LSM1: variants seen among roughly 807,000 people sequenced by gnomAD.
The protein encoded by LSM1 is U6 snRNA-associated Sm-like protein LSm1.
In LSM1, 13 loss-of-function variants were observed where a neutral mutation model predicts 18.0. That is an observed-to-expected ratio of 0.72 (90% confidence interval 0.47 to 1.15). The LOEUF is 1.15. Among genes scored for constraint, LSM1 ranks in the 50% most tolerant of loss-of-function variants. LSM1 has a pLI of 0.00. For missense variants in LSM1, 152 were observed against 157.7 expected (o/e 0.96, Z 0.19); for synonymous variants, 46 against 56.0 (o/e 0.82, Z 0.80).
At chr8:38,176,556 T>TG, upstream of LSM1, 1 of 579,390 alleles carries the variant, frequency 1.7e-6, no homozygotes, top group Non-Finnish European at 3.0e-6. Context: ...GCCGTACCGT[T>TG]GGGGGACACC....
intron 3 of LSM1, among the ~76,000 whole-genome samples, chr8:38,165,282 G>A (rs1802910168): frequency 6.6e-6 from 1 of 152,246 alleles, no homozygotes; most frequent in African/African-American, 2.4e-5. Context: ...GAACCTGGGA[G>A]GCGGAGGTTG....
chr8:38,163,584 G>A lies in LSM1; in HGVS notation c.*86C>T. 3.3e-6 allele frequency: 4 copies of A among 1,204,606 alleles called. No individual in the cohort carries two copies. Among genetic ancestry groups the A allele is most frequent in the Non-Finnish European group, 3.6e-6 (3 of 837,070 alleles). 74.6% of individuals were successfully genotyped at this position (1,204,606 alleles called of 1,614,324 possible). On this transcript the variant is annotated 3_prime_UTR_variant, in exon 4 of 4. Coordinates refer to ENST00000311351, the MANE Select transcript of LSM1 (RefSeq NM_014462.3). Reference sequence around the variant, plus strand: ...GACTTTTCAAAACTCTACAGTCTGTGATCAAATGCGTGAGGTGGCCAGGAT... The same window carrying A: ...GACTTTTCAAAACTCTACAGTCTGTAATCAAATGCGTGAGGTGGCCAGGAT...
Position 38,171,959 on chromosome 8 carries a change from A to C in LSM1, c.115+6T>G, listed in dbSNP as rs1205930394. The C allele has an allele frequency of 6.3e-7, 1 of 1,593,578 alleles. No homozygotes were observed. The highest frequency in any genetic ancestry group is 8.6e-7 in the Non-Finnish European group (1 of 1,165,304). ...GTATAAGAGATGTCCATAAATTAAT[A>C]CATACCAAATTGATCAATGCTTCTT... On this transcript the variant is annotated splice_donor_region_variant and intron_variant, in intron 2 of 3. Coordinates refer to ENST00000311351, the MANE Select transcript of LSM1 (RefSeq NM_014462.3).
intron 2 of LSM1, among the ~76,000 whole-genome samples, chr8:38,171,555 T>C (rs1257319167): frequency 6.6e-6 from 1 of 152,158 alleles, no homozygotes; most frequent in Admixed American, 6.5e-5. Flanking sequence ...TAATCTCAGC[T>C]ACTTGGGAGG....
intron 1 of LSM1, among the ~76,000 whole-genome samples, chr8:38,172,446 TTAG>T (rs1803048962): frequency 6.6e-6 from 1 of 151,910 alleles, no homozygotes; most frequent in South Asian, 2.1e-4. Context: ...ATCGGCCTCC[TTAG>T]TAGCTGGGAC....
chr8:38,170,098 G>A (rs919149575), intron 2 of LSM1, among the ~76,000 whole-genome samples, 181 bp from the exon 3 acceptor site: 2 of 152,142 alleles, frequency 1.3e-5, no homozygotes, highest in African/African-American at 4.8e-5. Flanking sequence ...CTGGACTGCA[G>A]TGGCGCCATC....
At chr8:38,172,467 G>C (rs1378986767) in intron 1 of LSM1, among the ~76,000 whole-genome samples, 1 of 151,962 alleles carries the variant, frequency 6.6e-6, no homozygotes, top group East Asian at 1.9e-4. Flanking sequence ...GACTACAGGA[G>C]TTTGCCACCA....
intron 3 of LSM1, 94 bp downstream of exon 3, chr8:38,169,708 G>T: frequency 1.4e-6 from 1 of 694,350 alleles, no homozygotes; most frequent in Non-Finnish European, 2.5e-6. Context: ...AGATAAATGT[G>T]GAGAATATTT....
intron 1 of LSM1, among the ~76,000 whole-genome samples, chr8:38,174,106 T>C (rs987432390): frequency 3.9e-5 from 6 of 152,204 alleles, no homozygotes; most frequent in African/African-American, 1.4e-4. Context: ...AAAAATTAGA[T>C]TGCAGGAGTA....
At chr8:38,174,689 A>G (rs528102964) in intron 1 of LSM1, among the ~76,000 whole-genome samples, 1 of 152,280 alleles carries the variant, frequency 6.6e-6, no homozygotes, top group East Asian at 1.9e-4. Context: ...ATTACACTAC[A>G]TTTCCCTTAC....
Position 38,163,494 on chromosome 8 carries a change from T to TAAA in LSM1, c.*173_*175dup. The TAAA allele has an allele frequency of 2.1e-6, 1 of 484,810 alleles. No homozygotes were observed. The highest frequency in any genetic ancestry group is 3.6e-6 in the Non-Finnish European group (1 of 276,892). 30.0% of individuals were successfully genotyped at this position (484,810 alleles called of 1,614,324 possible). A position where few individuals can be genotyped will look rare whatever the true frequency, so the allele number is the denominator to read the frequency against. ...TTTCTTTAAACAGTGATTTTGTTAT[T>TAAA]AAAAAAAAAACCCACCTACACGATT... is the stretch of plus-strand genomic sequence containing the variant. On this transcript the variant is annotated 3_prime_UTR_variant, in exon 4 of 4. Transcript: ENST00000311351.
At chr8:38,171,683 A>G (rs1042680738) in intron 2 of LSM1, among the ~76,000 whole-genome samples, 4 of 152,116 alleles carry the variant, frequency 2.6e-5, no homozygotes, top group African/African-American at 9.7e-5. Flanking sequence ...AAAACAAAAC[A>G]AAACAAGCCT....
chr8:38,176,123 G>C, intron 1 of LSM1, 152 bp downstream of exon 1: 1 of 616,146 alleles, frequency 1.6e-6, no homozygotes, highest in Admixed American at 2.7e-5. Context: ...GTGTACCGCA[G>C]CTGTGGAGGA....
chr8:38,168,765 GCATATATTTCATATATT>G (rs200599876), intron 3 of LSM1, among the ~76,000 whole-genome samples: 2 of 151,608 alleles, frequency 1.3e-5, no homozygotes, highest in South Asian at 4.2e-4. Flanking sequence ...ATATTTCACA[GCATATATTTCATATATT>G]CATATATTTC....
intron 2 of LSM1, among the ~76,000 whole-genome samples, chr8:38,170,695 A>C (rs1024613580): frequency 1.1e-4 from 17 of 152,214 alleles, no homozygotes; most frequent in African/African-American, 3.9e-4. Flanking sequence ...GCAGGTATCC[A>C]TGGGTTATGA....
intron 1 of LSM1, chr8:38,175,927 T>C (rs1479321338): frequency 4.3e-6 from 1 of 231,312 alleles, no homozygotes; most frequent in Non-Finnish European, 8.5e-6. Context: ...TACTTCGAAA[T>C]ACTGCAGGCA....
intron 2 of LSM1, among the ~76,000 whole-genome samples, chr8:38,170,209 T>C (rs546900177): frequency 6.6e-6 from 1 of 152,132 alleles, no homozygotes; most frequent in South Asian, 2.1e-4. Flanking sequence ...CCCGGCTAAT[T>C]CTGTATTTTT....
At position 38,163,701 on chromosome 8, in the gene LSM1, A is replaced by G. The variant is rs1802879044; in HGVS notation, c.371T>C (p.Ile124Thr). Residue 124 changes from isoleucine to threonine, a missense_variant, in exon 4 of 4, where the codon ATT (isoleucine) becomes ACT (threonine). Physicochemically the swap from Ile to Thr is moderately conservative, Grantham distance 89. Transcript: ENST00000311351. ...CTCATCAAGAGTATCTGCTCGAGGA[A>G]TGGAAAGACCTCGGTCCTTCAGGGC... ...VQALKDRGLS[I>T]PRADTLDEY The G allele has an allele frequency of 1.7e-5, 28 of 1,614,066 alleles. No individual in the cohort carries two copies. The highest frequency in any genetic ancestry group is 2.3e-5 in the Non-Finnish European group (27 of 1,180,014).
chr8:38,170,839 C>T (rs1435122523), intron 2 of LSM1: 1 of 214,064 alleles, frequency 4.7e-6, no homozygotes, highest in Non-Finnish European at 1.0e-5. Flanking sequence ...AATTTGTTAA[C>T]AATAATTATT....
Sources: allele counts gnomAD v4.1 joint callset (sites outside exome capture counted in the v4.1 genomes callset), GRCh38; gene constraint gnomAD v4.1.1; transcripts MANE v1.5; gene names NCBI Gene and HGNC (gene_info 2026-07-23, HGNC 2026-07-21).